PSD3: variants seen among roughly 807,000 people sequenced by gnomAD.
PSD3 encodes the protein pleckstrin and Sec7 domain containing 3, also known as PH and SEC7 domain-containing protein 3.
PSD3 carries 49 observed loss-of-function variants against 105.5 expected under a neutral mutation model. The observed-to-expected ratio is 0.46, with a 90% CI of 0.37 to 0.59. The LOEUF (loss-of-function observed/expected upper bound fraction) is 0.59, where lower values mean the gene tolerates loss of function less well. PSD3 is among the 20% of genes least tolerant of loss of function. PSD3 has a pLI of 0.00. For synonymous variants in PSD3, 557 were observed against 457.8 expected (o/e 1.22, Z -2.77); for missense variants, 1,561 against 1,263.8 (o/e 1.24, Z -3.57).
At chr8:18,615,308 T>A (rs1174289659) in intron 11 of PSD3, among the ~76,000 whole-genome samples, 1 of 151,998 alleles carries the variant, frequency 6.6e-6, no homozygotes, top group Non-Finnish European at 1.5e-5. Context: ...ACCCAGTGAC[T>A]CTCTTTAAAT....
At chr8:18,954,671 T>C (rs1030900175) in intron 1 of PSD3, among the ~76,000 whole-genome samples, 4 of 152,164 alleles carry the variant, frequency 2.6e-5, no homozygotes, top group Non-Finnish European at 5.9e-5. Flanking sequence ...AGTATTTGTC[T>C]AGCTTCAAGT....
chr8:18,782,910 T>C (rs920138931), intron 8 of PSD3, among the ~76,000 whole-genome samples: 3 of 152,196 alleles, frequency 2.0e-5, no homozygotes, highest in Non-Finnish European at 2.9e-5. Flanking sequence ...TATAATCCTT[T>C]TTATATTTTG....
intron 1 of PSD3, among the ~76,000 whole-genome samples, chr8:19,035,863 T>A (rs1187913554): frequency 2.6e-5 from 4 of 152,150 alleles, no homozygotes; most frequent in Non-Finnish European, 5.9e-5. Flanking sequence ...CAAGCCATTC[T>A]TCTGCCTCAT....
Position 18,763,790 on chromosome 8 carries a change from C to A in PSD3, c.2172+1659G>T, listed in dbSNP as rs764923692. Among the ~76,000 whole-genome samples the A allele has an allele frequency of 3.9e-5, 6 of 151,966 alleles. No individual in the cohort carries two copies. In the East Asian group the frequency reaches 5.8e-4, roughly 15 times the overall value. On this transcript the variant is annotated intron_variant, in intron 9 of 15. Transcript: ENST00000327040. ...TGGAAAACTATCTTGGGTGGGTGAGCGGCTGGGGTTTGTTATGGAAGAGAA... is the reference window on the plus strand; with the variant it reads ...TGGAAAACTATCTTGGGTGGGTGAGAGGCTGGGGTTTGTTATGGAAGAGAA...
intron 1 of PSD3, among the ~76,000 whole-genome samples, chr8:18,963,304 A>G (rs1386985869): frequency 2.0e-5 from 3 of 152,166 alleles, no homozygotes; most frequent in Non-Finnish European, 4.4e-5. Context: ...CCATATCACC[A>G]TATATATTTC....
At chr8:18,637,081 T>C (rs933224393) in intron 10 of PSD3, among the ~76,000 whole-genome samples, 4 of 152,210 alleles carry the variant, frequency 2.6e-5, no homozygotes, top group African/African-American at 9.7e-5. Flanking sequence ...ATCTGCAATA[T>C]ATTGATTTGT....
chr8:18,792,934 C>A (rs1809859671), intron 8 of PSD3, among the ~76,000 whole-genome samples: 1 of 152,154 alleles, frequency 6.6e-6, no homozygotes, highest in South Asian at 2.1e-4. Context: ...TCCAAATGTC[C>A]ATCAATGATA....
At chr8:19,023,969 C>T (rs1467369542) in intron 1 of PSD3, among the ~76,000 whole-genome samples, 3 of 152,180 alleles carry the variant, frequency 2.0e-5, no homozygotes, top group African/African-American at 7.2e-5. Flanking sequence ...AAAACAAAAA[C>T]CAAACCTTTT....
chr8:18,807,398 G>A (rs1385688013), intron 4 of PSD3, among the ~76,000 whole-genome samples: 1 of 152,138 alleles, frequency 6.6e-6, no homozygotes, highest in African/African-American at 2.4e-5. Context: ...CTGACATCCT[G>A]CCCTTGAAAT....
In PSD3 at chr8:18,808,624, A is replaced by C. The variant is rs1414879108; in HGVS notation, c.1635-3726T>G. 51 of 1,216,546 alleles carry C rather than the reference A, an allele frequency of 4.2e-5. 1 individual carries two copies. Among genetic ancestry groups the C allele is most frequent in the Non-Finnish European group, 2.6e-5 (22 of 854,870 alleles). The allele number at this position is 1,216,546 out of a possible 1,614,324, so 75.4% of individuals were successfully genotyped here. On this transcript the variant is annotated intron_variant, in intron 4 of 15. Transcript: ENST00000327040. Reference sequence around the variant, plus strand: ...TTTCAGTAAAAGGAGAAAATAAAGCACAAAGGATAAATATGTCCCTAGATG... The same window carrying C: ...TTTCAGTAAAAGGAGAAAATAAAGCCCAAAGGATAAATATGTCCCTAGATG...
chr8:18,868,385 A>C (rs1281134052), intron 3 of PSD3, among the ~76,000 whole-genome samples: 1 of 152,216 alleles, frequency 6.6e-6, no homozygotes, highest in Non-Finnish European at 1.5e-5. Context: ...ACACATTCAG[A>C]TTATTTGCAA....
At chr8:18,788,918 T>G (rs1809439329) in intron 8 of PSD3, among the ~76,000 whole-genome samples, 1 of 152,174 alleles carries the variant, frequency 6.6e-6, no homozygotes, top group Non-Finnish European at 1.5e-5. Flanking sequence ...TTTTTAAATG[T>G]ATGACTGGGG....
At chr8:18,936,252 T>C in intron 1 of PSD3, 110 bp from the exon 2 acceptor site, 1 of 697,834 alleles carries the variant, frequency 1.4e-6, no homozygotes, top group South Asian at 1.8e-5. Flanking sequence ...ACATATGTAC[T>C]CAAAGCTATC....
At chr8:18,783,038 C>T (rs1317205101) in intron 8 of PSD3, among the ~76,000 whole-genome samples, 1 of 152,156 alleles carries the variant, frequency 6.6e-6, no homozygotes, top group Admixed American at 6.5e-5. Flanking sequence ...AAAAGTGTTA[C>T]TCTTTTTTTC....
intron 4 of PSD3, among the ~76,000 whole-genome samples, chr8:18,820,914 T>G (rs1034429847): frequency 6.6e-6 from 1 of 152,074 alleles, no homozygotes; most frequent in Non-Finnish European, 1.5e-5. Context: ...AATGCTCAGC[T>G]AATTTTTAAA....
intron 11 of PSD3, among the ~76,000 whole-genome samples, chr8:18,629,219 G>A (rs1236273182): frequency 6.6e-6 from 1 of 151,934 alleles, no homozygotes; most frequent in Non-Finnish European, 1.5e-5. Flanking sequence ...CATGACAAAG[G>A]GGTCAAATCA....
chr8:18,612,893 G>C (rs1022621145), intron 11 of PSD3, among the ~76,000 whole-genome samples: 22 of 152,276 alleles, frequency 1.4e-4, no homozygotes, highest in Admixed American at 4.6e-4. Flanking sequence ...GAGCCACAGA[G>C]TCGCTCAGAT....
chr8:18,770,167 G>C (rs908186395), intron 8 of PSD3, among the ~76,000 whole-genome samples: 2 of 152,126 alleles, frequency 1.3e-5, no homozygotes, highest in East Asian at 1.9e-4. Flanking sequence ...TTTAGGTATT[G>C]TTATGGGTAT....
intron 11 of PSD3, among the ~76,000 whole-genome samples, chr8:18,600,678 C>G (rs562693313): frequency 1.8e-4 from 28 of 152,142 alleles, no homozygotes; most frequent in Non-Finnish European, 3.1e-4. Context: ...TCTTACAAAA[C>G]TGAAACACAA....
Sources: gnomAD v4.1 joint callset for allele counts (sites outside exome capture counted in the v4.1 genomes callset) on GRCh38, gnomAD v4.1.1 for gene constraint, MANE v1.5 for transcripts, NCBI Gene and HGNC (gene_info 2026-07-23, HGNC 2026-07-21) for gene names.